ZNF202: variants seen among roughly 807,000 people sequenced by gnomAD.
The protein encoded by ZNF202 is zinc finger protein 202, also known as zinc finger protein with KRAB and SCAN domains 10.
In ZNF202, 22 loss-of-function variants were observed where a neutral mutation model predicts 54.5. The ratio of observed to expected loss-of-function variants is 0.40; its 90% CI spans 0.29 to 0.58. ZNF202 has a LOEUF of 0.58. Ranked by LOEUF, ZNF202 falls within the 20% of genes least tolerant of loss-of-function variation. The pLI is 0.39. For synonymous variants in ZNF202, 294 were observed against 301.4 expected (o/e 0.98, Z 0.26); for missense variants, 644 against 805.5 (o/e 0.80, Z 2.43).
Position 123,733,014 on chromosome 11 carries a change from G to T in ZNF202, c.-97-2029C>A, listed in dbSNP as rs564677441. On this transcript the variant is annotated intron_variant, in intron 3 of 8. Transcript: ENST00000530393. ...CTCTGCTCCTAAACGGCACTGGCAC[G>T]TAACAGGCACGGATACATTGGAGAG... Among the ~76,000 whole-genome samples, 432 of 152,244 alleles carry T rather than the reference G, an allele frequency of 2.8e-3. 1 individual carries two copies. Among genetic ancestry groups the T allele is most frequent in the Non-Finnish European group, 5.5e-3 (373 of 68,022 alleles).
chr11:123,741,597 C>G lies in ZNF202; in HGVS notation c.-342G>C, dbSNP rs1326790874. On this transcript the variant is annotated 5_prime_UTR_variant, in exon 1 of 9. Coordinates refer to ENST00000530393, the MANE Select transcript of ZNF202 (RefSeq NM_003455.4). ...CTCCCCTGCCCCGGCTTCTCTCCCA[C>G]CCACTCCCGACCGAAACAGCGCCGC... 2 of 152,904 alleles carry G rather than the reference C, an allele frequency of 1.3e-5. No individual in the cohort carries two copies. Among genetic ancestry groups the G allele is most frequent in the Non-Finnish European group, 2.9e-5 (2 of 68,298 alleles). 9.5% of individuals were successfully genotyped at this position (152,904 alleles called of 1,614,324 possible). A position where few individuals can be genotyped will look rare whatever the true frequency, so the allele number is the denominator to read the frequency against.
chr11:123,731,739 A>G (rs1861415192), intron 3 of ZNF202, among the ~76,000 whole-genome samples: 1 of 152,336 alleles, frequency 6.6e-6, no homozygotes, highest in South Asian at 2.1e-4. Flanking sequence ...GTATTACTAA[A>G]GCCTATGAGC....
Position 123,729,200 on chromosome 11 carries a change from C to T in ZNF202, c.628G>A (p.Glu210Lys), listed in dbSNP as rs752414542. Residue 210 changes from glutamate to lysine, a missense_variant, in exon 6 of 9, where the codon GAG becomes AAG. Coordinates refer to ENST00000530393, the MANE Select transcript of ZNF202 (RefSeq NM_003455.4). ...CTCTCTGCAGGAAGGTCTGGGTCCTCGGGCACTGGGACCTCTATGAAGAAA... is the reference window on the plus strand; with the variant it reads ...CTCTCTGCAGGAAGGTCTGGGTCCTTGGGCACTGGGACCTCTATGAAGAAA... Reference protein sequence around the residue: ...TLQESEVPVPEDPDLPAERSS... With the variant: ...TLQESEVPVPKDPDLPAERSS... 1.4e-5 allele frequency: 23 copies of T among 1,613,450 alleles called. No individual in the cohort carries two copies. The East Asian group carries it at 2.7e-4, about 19-fold the overall frequency.
intron 3 of ZNF202, among the ~76,000 whole-genome samples, chr11:123,734,619 C>T (rs1333803768): frequency 6.6e-6 from 1 of 152,148 alleles, no homozygotes; most frequent in Non-Finnish European, 1.5e-5. Flanking sequence ...GCACATGTGT[C>T]TATTTTTTGT....
chr11:123,736,724 G>A (rs376636941), intron 3 of ZNF202, among the ~76,000 whole-genome samples: 1 of 152,202 alleles, frequency 6.6e-6, no homozygotes, highest in South Asian at 2.1e-4. Flanking sequence ...CCCTGACCTC[G>A]CTTATTAGCC....
chr11:123,737,126 C>CTTAG (rs1861663918), intron 3 of ZNF202, among the ~76,000 whole-genome samples: 1 of 151,858 alleles, frequency 6.6e-6, no homozygotes, highest in African/African-American at 2.4e-5. Context: ...GAGAAGGAAC[C>CTTAG]TTAGACACAG....
chr11:123,736,556 C>T (rs1309451239), intron 3 of ZNF202, among the ~76,000 whole-genome samples: 1 of 152,178 alleles, frequency 6.6e-6, no homozygotes, highest in African/African-American at 2.4e-5. Flanking sequence ...TTTTCCAATG[C>T]TGCTGCTGTT....
At chr11:123,733,213 T>C (rs923721344) in intron 3 of ZNF202, among the ~76,000 whole-genome samples, 1 of 152,144 alleles carries the variant, frequency 6.6e-6, no homozygotes, top group Admixed American at 6.6e-5. Context: ...GTCTCATCTA[T>C]TGTTGCCCAT....
At chr11:123,729,470 TCTC>T (rs1157352903) in intron 5 of ZNF202, 142 bp downstream of exon 5, 2 of 1,073,254 alleles carry the variant, frequency 1.9e-6, no homozygotes, top group Non-Finnish European at 1.3e-6. Context: ...GGCGGTACTG[TCTC>T]CTCTTGACAT....
At chr11:123,727,345 C>A in intron 8 of ZNF202, 131 bp downstream of exon 8, 1 of 1,288,790 alleles carries the variant, frequency 7.8e-7, no homozygotes. Context: ...AAATGGCTGT[C>A]AGAGGGAGAA....
intron 3 of ZNF202, among the ~76,000 whole-genome samples, chr11:123,734,161 G>T (rs1243752401): frequency 6.6e-6 from 1 of 152,078 alleles, no homozygotes; most frequent in Non-Finnish European, 1.5e-5. Context: ...GGGAGAGACA[G>T]CATGGGCTGT....
At chr11:123,737,148 G>A (rs1037522338) in intron 3 of ZNF202, among the ~76,000 whole-genome samples, 4 of 151,948 alleles carry the variant, frequency 2.6e-5, no homozygotes, top group East Asian at 1.9e-4. Context: ...TTCTCCCACC[G>A]AAGACCATAT....
At position 123,726,491 on chromosome 11, in the gene ZNF202, C is replaced by T. The variant is rs1861144377; in HGVS notation, c.1453G>A (p.Asp485Asn). 1 of 1,614,142 alleles carries T rather than the reference C, an allele frequency of 6.2e-7. No homozygotes were observed. The change falls in exon 9 of 9, where the codon GAT becomes AAT. Residue 485 changes from aspartate (D) to asparagine (N), a missense_variant. Asp to Asn is a conservative substitution (Grantham distance 23). Transcript: ENST00000530393. This position sits in a 1 kb window ranked among gnomAD's most constrained non-coding sequence, Gnocchi z 6.0. ...GTCCAGCGGAAGTGCTTTCCGCAATCATCACATCTATAGGGTTTCTCCACT... is the reference window on the plus strand; with the variant it reads ...GTCCAGCGGAAGTGCTTTCCGCAATTATCACATCTATAGGGTTTCTCCACT... ...PSVEKPYRCD[D>N]CGKHFRWTSD...
rs776244286 is a variant in ZNF202, at chr11:123,727,626, G to A, written c.833-31C>T. The A allele has an allele frequency of 1.7e-5, 28 of 1,613,010 alleles. No individual in the cohort carries two copies. In the East Asian group the frequency reaches 4.2e-4, roughly 24 times the overall value. On this transcript the variant is annotated intron_variant, in intron 7 of 8. Transcript: ENST00000530393. ...CAAGAGAGGGAAAATAGGATATCAC[G>A]ATTGGCTCAACAATTCCCTGTGTTA...
chr11:123,727,269 C>A (rs1861192601), intron 8 of ZNF202, among the ~76,000 whole-genome samples: 1 of 152,146 alleles, frequency 6.6e-6, no homozygotes, highest in African/African-American at 2.4e-5. Flanking sequence ...TTTTCTTTCA[C>A]CCTTTTGTAT....
Position 123,730,049 on chromosome 11 carries a change from C to G in ZNF202, c.403-224G>C, listed in dbSNP as rs555303264. 4.6e-5 allele frequency among the ~76,000 whole-genome samples: 7 copies of G among 152,108 alleles called. No individual in the cohort carries two copies. Among genetic ancestry groups the G allele is most frequent in the Non-Finnish European group, 7.4e-5 (5 of 68,004 alleles). ...GGCCTGCACTGCTCTCTCACCACCC[C>G]CAGCCTGGGCCCCTGTCACCCAAGG... is the stretch of plus-strand genomic sequence containing the variant. On this transcript the variant is annotated intron_variant, in intron 4 of 8. Coordinates refer to ENST00000530393, the MANE Select transcript of ZNF202 (RefSeq NM_003455.4). The surrounding 1 kb of genome is among the most constrained non-coding windows in gnomAD (Gnocchi z 6.0).
chr11:123,729,299 G>A (rs1861296909), intron 5 of ZNF202, 85 bp from the exon 6 acceptor site: 27 of 1,350,830 alleles, frequency 2.0e-5, no homozygotes, highest in South Asian at 1.4e-4. Context: ...ACCATCTTTG[G>A]TAGGAAGGTG....
Position 123,730,365 on chromosome 11 carries a change from A to C in ZNF202, c.402+122T>G. The C allele has an allele frequency of 7.8e-7, 1 of 1,290,118 alleles. No individual in the cohort carries two copies. Among genetic ancestry groups the C allele is most frequent in the African/African-American group, 1.5e-5 (1 of 67,722 alleles). 79.9% of individuals were successfully genotyped at this position (1,290,118 alleles called of 1,614,324 possible). A position where few individuals can be genotyped will look rare whatever the true frequency, so the allele number is the denominator to read the frequency against. ...TAATCCATGGGGCTCATGGTATATG[A>C]GCAACCCAAGGGCAGAGCCCACTAA... On this transcript the variant is annotated intron_variant, in intron 4 of 8. Transcript: ENST00000530393. This position sits in a 1 kb window ranked among gnomAD's most constrained non-coding sequence, Gnocchi z 6.0.
At position 123,726,743 on chromosome 11, in the gene ZNF202, C is replaced by T; in HGVS notation, c.1201G>A (p.Val401Met). ...TTACAAGTGAAGCTCTTTCCACACA[C>T]AGAACAGTCATGATGCCTCCCTAAC... ...PLLGRHHDCS[V>M]CGKSFTCNSH... Residue 401 changes from valine to methionine, a missense_variant, in exon 9 of 9, where the codon GTG becomes ATG. Coordinates refer to ENST00000530393, the MANE Select transcript of ZNF202 (RefSeq NM_003455.4). This position sits in a 1 kb window ranked among gnomAD's most constrained non-coding sequence, Gnocchi z 6.0. 1.2e-6 allele frequency: 2 copies of T among 1,614,224 alleles called. No homozygotes were observed. Among genetic ancestry groups the T allele is most frequent in the Non-Finnish European group, 1.7e-6 (2 of 1,180,042 alleles).
Sources: allele counts gnomAD v4.1 joint callset (sites outside exome capture counted in the v4.1 genomes callset), GRCh38; gene constraint gnomAD v4.1.1; non-coding constraint Gnocchi (gnomAD v3.1); transcripts MANE v1.5; gene names NCBI Gene and HGNC (gene_info 2026-07-23, HGNC 2026-07-21).